Variants in CNN3 observed in about 807,000 individuals in gnomAD.
The protein encoded by CNN3 is calponin-3.
In CNN3, 11 loss-of-function variants were observed where a neutral mutation model predicts 39.0. That is an observed-to-expected ratio of 0.28 (90% CI 0.18 to 0.47). CNN3 has a LOEUF of 0.47. Ranked by LOEUF, CNN3 falls within the 20% of genes least tolerant of loss-of-function variation. The probability of loss-of-function intolerance (pLI) is 0.99; values close to 1 mark genes in which losing one functional copy is unlikely to be tolerated. For synonymous variants in CNN3, 101 were observed against 138.3 expected (o/e 0.73, Z 1.89); for missense variants, 266 against 403.4 (o/e 0.66, Z 2.92).
At chr1:94,919,789 T>C (rs1671391836) in intron 1 of CNN3, among the ~76,000 whole-genome samples, 1 of 152,160 alleles carries the variant, frequency 6.6e-6, no homozygotes, top group African/African-American at 2.4e-5. Flanking sequence ...CTCTTTTCTC[T>C]GCATTCATGC....
At chr1:94,925,314 C>A (rs1671548458) in intron 1 of CNN3, among the ~76,000 whole-genome samples, 1 of 152,178 alleles carries the variant, frequency 6.6e-6, no homozygotes, top group South Asian at 2.1e-4. Flanking sequence ...CATGCCCATT[C>A]CTCTGAAGTT....
chr1:94,903,656 C>T (rs904384003), intron 1 of CNN3, 132 bp from the exon 2 acceptor site: 11 of 1,125,300 alleles, frequency 9.8e-6, no homozygotes, highest in East Asian at 5.4e-5. Context: ...CTCAATAGAT[C>T]TCAATGGCAA....
chr1:94,911,976 GAATC>G (rs1232973114), intron 1 of CNN3, among the ~76,000 whole-genome samples: 1 of 152,114 alleles, frequency 6.6e-6, no homozygotes, highest in African/African-American at 2.4e-5. Flanking sequence ...TGAGGCAGGA[GAATC>G]GCTTGAGCCT....
intron 6 of CNN3, among the ~76,000 whole-genome samples, chr1:94,898,581 T>A (rs1019100386): frequency 1.3e-5 from 2 of 152,186 alleles, no homozygotes; most frequent in Non-Finnish European, 2.9e-5. Context: ...TTCAAAAGGC[T>A]GAGATACAGA....
intron 5 of CNN3, among the ~76,000 whole-genome samples, chr1:94,901,311 G>A (rs975616594): frequency 2.7e-5 from 4 of 149,618 alleles, no homozygotes; most frequent in East Asian, 2.0e-4. Flanking sequence ...CCGAGATCGC[G>A]TCACTGCACT....
At chr1:94,910,654 C>T (rs550106166) in intron 1 of CNN3, among the ~76,000 whole-genome samples, 2 of 152,192 alleles carry the variant, frequency 1.3e-5, no homozygotes, top group Non-Finnish European at 2.9e-5. Flanking sequence ...TCCCAAGTTC[C>T]AGTGTGACCT....
intron 1 of CNN3, among the ~76,000 whole-genome samples, chr1:94,907,656 C>A (rs939555004): frequency 1.3e-5 from 2 of 152,144 alleles, no homozygotes; most frequent in Non-Finnish European, 2.9e-5. Context: ...GTCAGGAGAT[C>A]AAGACCATCC....
chr1:94,917,996 A>G (rs1464671760), intron 1 of CNN3, among the ~76,000 whole-genome samples: 1 of 152,204 alleles, frequency 6.6e-6, no homozygotes, highest in Non-Finnish European at 1.5e-5. Flanking sequence ...TCCCTACTCT[A>G]CAACAAAGCT....
rs1346043824 is a variant in CNN3 at position 94,901,753 on chromosome 1, G to A, written c.417C>T (p.Asp139=). Residue 139 remains aspartate, a synonymous_variant, in exon 5 of 7, where the codon GAC becomes GAT. Coordinates refer to ENST00000370206, the MANE Select transcript of CNN3 (RefSeq NM_001839.5). ...AKTKGFHTTI[D]IGVKYAEKQT... is the part of the protein sequence containing the mutation. ...GTTTTTCTGCATACTTAACTCCAAT[G>A]TCAATGGTTGTATGGAATCCTTTTG... 6.2e-7 allele frequency: 1 copy of A among 1,613,742 alleles called. No individual in the cohort carries two copies. Among genetic ancestry groups the A allele is most frequent in the Non-Finnish European group, 8.5e-7 (1 of 1,179,910 alleles).
At chr1:94,925,843 T>G in intron 1 of CNN3, 3 of 984,924 alleles carry the variant, frequency 3.0e-6, no homozygotes, top group Non-Finnish European at 3.6e-6. Flanking sequence ...ATGAGCGTTC[T>G]GTGCACAGTT....
At chr1:94,899,862 C>T (rs1670818661) in intron 5 of CNN3, among the ~76,000 whole-genome samples, 1 of 152,300 alleles carries the variant, frequency 6.6e-6, no homozygotes, top group East Asian at 1.9e-4. Flanking sequence ...GTTATTTCAA[C>T]AGAAGTAATC....
chr1:94,904,710 G>A (rs1430283824), intron 1 of CNN3, among the ~76,000 whole-genome samples: 1 of 151,836 alleles, frequency 6.6e-6, no homozygotes, highest in African/African-American at 2.4e-5. Flanking sequence ...TCACACCACT[G>A]CACTCCAGCC....
At chr1:94,903,018 TAAAA>T in intron 3 of CNN3, 100 bp downstream of exon 3, 4 of 622,378 alleles carry the variant, frequency 6.4e-6, no homozygotes, top group South Asian at 4.1e-5. Flanking sequence ...ATCAAAAAGT[TAAAA>T]AAAAAAAAAA....
chr1:94,926,748 A>C lies in CNN3; in HGVS notation c.57+90T>G, dbSNP rs1031325572. 8.6e-6 allele frequency: 12 copies of C among 1,399,380 alleles called. No homozygotes were observed. The highest frequency in any genetic ancestry group is 1.2e-5 in the South Asian group (1 of 81,422). The allele number at this position is 1,399,380 out of a possible 1,614,324, so 86.7% of individuals were successfully genotyped here. A position where few individuals can be genotyped will look rare whatever the true frequency, so the allele number is the denominator to read the frequency against. On this transcript the variant is annotated intron_variant, in intron 1 of 6. Transcript: ENST00000370206. The surrounding 1 kb of genome is among the most constrained non-coding windows in gnomAD (Gnocchi z 4.2). The stretch of plus-strand genomic sequence containing the variant: ...CCCCTCTCCAGGAAAACGGTGAGCC[A>C]CAGCGCGAAGAGCAAACGAAGCACG...
At chr1:94,907,056 C>T (rs1671019328) in intron 1 of CNN3, among the ~76,000 whole-genome samples, 1 of 152,148 alleles carries the variant, frequency 6.6e-6, no homozygotes, top group Non-Finnish European at 1.5e-5. Flanking sequence ...CAGTTCAAAT[C>T]CTGGCTCTAC....
chr1:94,899,343 TGTACAC>T (rs773954879), intron 6 of CNN3, 22 bp downstream of exon 6: 1 of 1,606,850 alleles, frequency 6.2e-7, no homozygotes, highest in Admixed American at 1.7e-5. Context: ...AGTGTACTCT[TGTACAC>T]GTATAAAAAG....
At chr1:94,921,007 A>G (rs1484746446) in intron 1 of CNN3, among the ~76,000 whole-genome samples, 1 of 152,218 alleles carries the variant, frequency 6.6e-6, no homozygotes, top group African/African-American at 2.4e-5. Context: ...CACATGGTAT[A>G]TGCTACAGGA....
chr1:94,908,971 C>T (rs1310157095), intron 1 of CNN3, among the ~76,000 whole-genome samples: 5 of 124,418 alleles, frequency 4.0e-5, no homozygotes, highest in Middle Eastern at 3.5e-3. Flanking sequence ...ATAGGGAGCC[C>T]GTCTCTTTAA....
In CNN3 at chr1:94,901,656, C is replaced by T. The variant is rs746728038; in HGVS notation, c.501+13G>A. ...TGAATAAGTAATTGAATAAGCAACACCACATTACTTACCTGCAGACCAATT... is the reference window on the plus strand; with the variant it reads ...TGAATAAGTAATTGAATAAGCAACATCACATTACTTACCTGCAGACCAATT... On this transcript the variant is annotated intron_variant, in intron 5 of 6. Coordinates refer to ENST00000370206, the MANE Select transcript of CNN3 (RefSeq NM_001839.5). 23 of 1,542,652 alleles carry T rather than the reference C, an allele frequency of 1.5e-5. No homozygotes were observed. The highest frequency in any genetic ancestry group is 2.0e-5 in the Non-Finnish European group (22 of 1,115,436).
Sources: allele counts gnomAD v4.1 joint callset (sites outside exome capture counted in the v4.1 genomes callset), GRCh38; gene constraint gnomAD v4.1.1; non-coding constraint Gnocchi (gnomAD v3.1); transcripts MANE v1.5; gene names NCBI Gene and HGNC (gene_info 2026-07-23, HGNC 2026-07-21).